The following STXBP5L variants were observed in gnomAD, a reference collection of about 807,000 sequenced individuals.
STXBP5L encodes syntaxin binding protein 5L.
Under a neutral mutation model 144.5 loss-of-function variants are expected in STXBP5L, and 65 were observed. The observed-to-expected ratio is 0.45, with a 90% CI of 0.37 to 0.55. STXBP5L has a LOEUF of 0.55. Among genes scored for constraint, STXBP5L ranks in the 20% least tolerant of loss-of-function variants. STXBP5L has a pLI of 0.00. For missense variants in STXBP5L, 1,298 were observed against 1,405.5 expected, an observed-to-expected ratio of 0.92 and a Z score of 1.22; for synonymous variants, 505 against 469.6, an observed-to-expected ratio of 1.08 and a Z score of -0.97.
At position 121,395,739 on chromosome 3, in the gene STXBP5L, G is replaced by A. The variant is rs554701411; in HGVS notation, c.2588-11504G>A. ...CAGCAATGGTGATACCGCTATCATA[G>A]CTACCATTAAATTACTCATTGTGAG... On this transcript the variant is annotated intron_variant, in intron 22 of 26. Coordinates refer to ENST00000471454, the MANE Select transcript of STXBP5L (RefSeq NM_001308330.2). Among the ~76,000 whole-genome samples the A allele has an allele frequency of 6.6e-5, 10 of 152,298 alleles. No homozygotes were observed. The East Asian group carries it at 1.9e-3, about 29-fold the overall frequency.
rs936265855 is a variant in STXBP5L at position 121,204,546 on chromosome 3, A to G, written c.878-1377A>G. ...CTTGATATCCTATTTGGATATGCTT[A>G]TGTTATTCTGAAGCTAATCTGAAAA... On this transcript the variant is annotated intron_variant, in intron 9 of 26. Coordinates refer to ENST00000471454, the MANE Select transcript of STXBP5L (RefSeq NM_001308330.2). 3.3e-5 allele frequency among the ~76,000 whole-genome samples: 5 copies of G among 152,180 alleles called. No homozygotes were observed. The South Asian group carries it at 8.3e-4, about 25-fold the overall frequency.
At chr3:121,321,573 G>A (rs755795386) in intron 20 of STXBP5L, among the ~76,000 whole-genome samples, 3 of 152,126 alleles carry the variant, frequency 2.0e-5, no homozygotes, top group Non-Finnish European at 4.4e-5. Flanking sequence ...ATCTGAGGTG[G>A]GGCCTGAGAT....
chr3:121,080,743 G>T (rs1163092862), intron 5 of STXBP5L, among the ~76,000 whole-genome samples: 2 of 152,176 alleles, frequency 1.3e-5, no homozygotes, highest in African/African-American at 4.8e-5. Context: ...TAGGTTATCT[G>T]ATGCTTTTGT....
intron 5 of STXBP5L, among the ~76,000 whole-genome samples, chr3:121,091,433 A>G (rs1205244665): frequency 1.3e-5 from 2 of 151,814 alleles, no homozygotes; most frequent in East Asian, 3.9e-4. Flanking sequence ...CATCCTCTCC[A>G]GCACCTGTTG....
chr3:121,172,005 T>C (rs1231664980), intron 9 of STXBP5L, among the ~76,000 whole-genome samples: 1 of 152,152 alleles, frequency 6.6e-6, no homozygotes, highest in Non-Finnish European at 1.5e-5. Flanking sequence ...AAAACTGATA[T>C]ATAGACCAAT....
At chr3:121,325,017 T>G (rs558275548) in intron 20 of STXBP5L, among the ~76,000 whole-genome samples, 5 of 152,218 alleles carry the variant, frequency 3.3e-5, no homozygotes, top group African/African-American at 1.2e-4. Flanking sequence ...CAACTATGAT[T>G]GCCTCAAAGA....
chr3:121,352,503 G>C (rs367998511), intron 20 of STXBP5L, among the ~76,000 whole-genome samples: 1 of 152,010 alleles, frequency 6.6e-6, no homozygotes, highest in South Asian at 2.1e-4. Flanking sequence ...TTGCTGTATA[G>C]GAATGATTGT....
chr3:121,362,509 G>A (rs146263372), intron 20 of STXBP5L, among the ~76,000 whole-genome samples: 21 of 151,730 alleles, frequency 1.4e-4, no homozygotes, highest in African/African-American at 3.6e-4. Context: ...CCCCATAGCC[G>A]CCACCACCCC....
At chr3:121,299,210 A>C (rs955887360) in intron 19 of STXBP5L, among the ~76,000 whole-genome samples, 4 of 152,196 alleles carry the variant, frequency 2.6e-5, no homozygotes, top group African/African-American at 9.6e-5. Flanking sequence ...AAACAGTATT[A>C]CTATCTTTTC....
chr3:121,351,403 G>T (rs886773436), intron 20 of STXBP5L, among the ~76,000 whole-genome samples: 7 of 152,140 alleles, frequency 4.6e-5, no homozygotes, highest in African/African-American at 9.7e-5. Context: ...CTACTCAGGG[G>T]TTAGGGACCC....
chr3:121,073,273 C>T (rs759890927), intron 5 of STXBP5L, among the ~76,000 whole-genome samples: 4 of 152,232 alleles, frequency 2.6e-5, no homozygotes, highest in Non-Finnish European at 5.9e-5. Flanking sequence ...AGAGTGTTCA[C>T]AGTCTCCAGG....
At chr3:121,032,458 C>G (rs1946439657) in intron 3 of STXBP5L, among the ~76,000 whole-genome samples, 1 of 152,034 alleles carries the variant, frequency 6.6e-6, no homozygotes, top group South Asian at 2.1e-4. Context: ...ATGTGTTTTT[C>G]ATAAAAACCC....
intron 20 of STXBP5L, among the ~76,000 whole-genome samples, chr3:121,365,054 T>A (rs1437132972): frequency 6.6e-6 from 1 of 151,930 alleles, no homozygotes; most frequent in African/African-American, 2.4e-5. Context: ...AACCTTAATA[T>A]ATTGCAATGA....
intron 9 of STXBP5L, among the ~76,000 whole-genome samples, chr3:121,189,312 A>G (rs1254072560): frequency 1.3e-5 from 2 of 152,192 alleles, no homozygotes; most frequent in Non-Finnish European, 2.9e-5. Flanking sequence ...TATGTCCTGA[A>G]TGGTATTGCC....
chr3:121,300,461 G>A (rs1250149144), intron 19 of STXBP5L, among the ~76,000 whole-genome samples: 3 of 152,078 alleles, frequency 2.0e-5, no homozygotes, highest in Non-Finnish European at 4.4e-5. Flanking sequence ...ACATGTAGAA[G>A]TAAAATGTAT....
chr3:121,264,168 A>G (rs1460761578), intron 18 of STXBP5L, among the ~76,000 whole-genome samples: 1 of 152,186 alleles, frequency 6.6e-6, no homozygotes, highest in Non-Finnish European at 1.5e-5. Context: ...AACACTCTTA[A>G]AGAAAAGAAT....
chr3:121,115,146 C>A, intron 6 of STXBP5L, 87 bp downstream of exon 6: 1 of 1,257,502 alleles, frequency 8.0e-7, no homozygotes. Flanking sequence ...TTATTTGATA[C>A]GTCTATTACT....
intron 18 of STXBP5L, among the ~76,000 whole-genome samples, chr3:121,268,438 G>A (rs2050642212): frequency 6.6e-6 from 1 of 152,112 alleles, no homozygotes. Flanking sequence ...GTAGCATTAG[G>A]AGAAGTGCCT....
intron 10 of STXBP5L, among the ~76,000 whole-genome samples, chr3:121,209,839 A>G (rs2048486115): frequency 6.6e-6 from 1 of 152,148 alleles, no homozygotes. Flanking sequence ...TCACTGATGG[A>G]CATTTGGGTT....
Sources: allele counts gnomAD v4.1 joint callset (sites outside exome capture counted in the v4.1 genomes callset), GRCh38; gene constraint gnomAD v4.1.1; transcripts MANE v1.5; gene names NCBI Gene and HGNC (gene_info 2026-07-23, HGNC 2026-07-21).